Variants in C5 observed in about 807,000 individuals in gnomAD.
C5 encodes the protein C3 and PZP-like alpha-2-macroglobulin domain-containing protein 4.
A neutral mutation model predicts 218.8 loss-of-function variants in C5; 140 were observed. That is an observed-to-expected ratio of 0.64 (90% CI 0.56 to 0.74). The LOEUF is 0.74. Among genes scored for constraint, C5 ranks in the 30% least tolerant of loss-of-function variants. The pLI is 0.00. For missense variants in C5, 1,700 were observed against 1,969.6 expected (o/e 0.86, Z 2.59); for synonymous variants, 614 against 682.3 (o/e 0.90, Z 1.56).
chr9:121,035,508 G>C (rs2047516683), intron 4 of C5, among the ~76,000 whole-genome samples: 1 of 152,104 alleles, frequency 6.6e-6, no homozygotes, highest in Non-Finnish European at 1.5e-5. Context: ...ACACATGGGG[G>C]TCCAATTCAG....
chr9:121,033,353 T>G (rs1305782253), intron 5 of C5, among the ~76,000 whole-genome samples: 1 of 152,134 alleles, frequency 6.6e-6, no homozygotes, highest in African/African-American at 2.4e-5. Context: ...GATGCTGAGA[T>G]AGGGAGTAAA....
At chr9:120,959,857 T>G (rs2046813869) in intron 38 of C5, among the ~76,000 whole-genome samples, 1 of 152,224 alleles carries the variant, frequency 6.6e-6, no homozygotes, top group Non-Finnish European at 1.5e-5. Flanking sequence ...GAAGATATTT[T>G]TTTAAAAACC....
chr9:121,022,952 A>G (rs2047379399), intron 10 of C5, among the ~76,000 whole-genome samples: 2 of 152,148 alleles, frequency 1.3e-5, no homozygotes, highest in Non-Finnish European at 2.9e-5. Flanking sequence ...GCACAAAGAC[A>G]ACACAGAGAC....
At chr9:121,041,068 C>T (rs1478986128) in intron 3 of C5, among the ~76,000 whole-genome samples, 5 of 150,526 alleles carry the variant, frequency 3.3e-5, no homozygotes, top group South Asian at 2.1e-4. Flanking sequence ...CTCAGCCTCC[C>T]GAGTAGCTGG....
At chr9:121,029,525 A>G (rs2047455392) in intron 7 of C5, among the ~76,000 whole-genome samples, 1 of 152,242 alleles carries the variant, frequency 6.6e-6, no homozygotes, top group African/African-American at 2.4e-5. Flanking sequence ...TACCCCACAC[A>G]TATAGTTATA....
the C5 span, among the ~76,000 whole-genome samples, chr9:121,059,262 G>C: frequency 6.6e-6 from 1 of 152,146 alleles, no homozygotes; most frequent in Non-Finnish European, 1.5e-5. The surrounding 1 kb of genome is among the most constrained non-coding windows in gnomAD (Gnocchi z 4.1). Context: ...AAAATAATAA[G>C]GCTAAGAGAA....
intron 3 of C5, among the ~76,000 whole-genome samples, chr9:121,039,493 C>G (rs1054449431): frequency 6.6e-6 from 1 of 151,988 alleles, no homozygotes; most frequent in South Asian, 2.1e-4. Flanking sequence ...ACAAAATTAG[C>G]CAGGCATGGT....
intron 39 of C5, chr9:120,956,921 A>G (rs2046788934): frequency 1.8e-5 from 6 of 325,926 alleles, no homozygotes; most frequent in South Asian, 1.6e-4. Context: ...ATTGGGTACT[A>G]TGCTTATTAC....
chr9:121,038,698 C>A (rs1265510401), intron 3 of C5, among the ~76,000 whole-genome samples: 1 of 152,180 alleles, frequency 6.6e-6, no homozygotes, highest in African/African-American at 2.4e-5. Flanking sequence ...GTTGCTGATG[C>A]TCAAATCATT....
intron 39 of C5, 69 bp downstream of exon 39, chr9:120,957,216 A>C: frequency 9.5e-7 from 1 of 1,048,000 alleles, no homozygotes; most frequent in Non-Finnish European, 1.5e-6. Context: ...TGTTTAATAT[A>C]ATGCCTGGCA....
intron 26 of C5, 135 bp downstream of exon 26, chr9:120,982,520 A>G: frequency 1.4e-6 from 1 of 693,344 alleles, no homozygotes; most frequent in South Asian, 1.8e-5. Flanking sequence ...ACCTTTGTAT[A>G]TTTTGCTTGT....
In C5 at chr9:121,043,123, T is replaced by C; in HGVS notation, c.302A>G (p.Tyr101Cys). 6.2e-7 allele frequency: 1 copy of C among 1,613,394 alleles called. No homozygotes were observed. Among genetic ancestry groups the C allele is most frequent in the Non-Finnish European group, 8.5e-7 (1 of 1,179,568 alleles). The change falls in exon 3 of 41, where the codon TAT becomes TGT. Residue 101 changes from tyrosine to cysteine, a missense_variant. Transcript: ENST00000223642. ...CTTTGATACAACTTCCAAATACACA[T>C]AAGAAACTGGGTTTTGTCCTCCAGG... ...QLPGGQNPVSYVYLEVVSKHF... is the reference protein window; with the variant it reads ...QLPGGQNPVSCVYLEVVSKHF...
chr9:120,989,915 G>T (rs1398977533), intron 23 of C5, 135 bp from the exon 24 acceptor site: 2 of 693,580 alleles, frequency 2.9e-6, no homozygotes, highest in Non-Finnish European at 5.0e-6. Context: ...TCTCAGAAAC[G>T]GGGTGAGAAA....
intron 27 of C5, among the ~76,000 whole-genome samples, chr9:120,981,168 C>G (rs2046990172): frequency 6.6e-6 from 1 of 152,264 alleles, no homozygotes; most frequent in African/African-American, 2.4e-5. Flanking sequence ...CCCAGCTCCA[C>G]ATGCATCTCT....
At chr9:121,069,833 C>T in the C5 span, among the ~76,000 whole-genome samples, 2 of 152,196 alleles carry the variant, frequency 1.3e-5, no homozygotes, top group African/African-American at 4.8e-5. Context: ...GACTCATACA[C>T]TGTTGGTGGA....
intron 17 of C5, among the ~76,000 whole-genome samples, 172 bp downstream of exon 17, chr9:121,013,701 T>C (rs1182143335): frequency 6.6e-6 from 1 of 152,090 alleles, no homozygotes; most frequent in African/African-American, 2.4e-5. Context: ...CTCTGTACTG[T>C]ACCTCTTCGG....
chr9:120,981,798 T>C (rs41311907), intron 27 of C5, 46 bp downstream of exon 27: 1 of 1,310,750 alleles, frequency 7.6e-7, no homozygotes, highest in East Asian at 2.3e-5. Flanking sequence ...CAGTATATAG[T>C]ACAGAAATAG....
chr9:120,996,166 T>G, intron 22 of C5, 74 bp downstream of exon 22: 1 of 1,104,264 alleles, frequency 9.1e-7, no homozygotes. Context: ...TGAAAAATAG[T>G]GTTTTAAGTT....
At chr9:121,027,096 A>G (rs528315154) in intron 8 of C5, 64 bp downstream of exon 8, 1 of 878,796 alleles carries the variant, frequency 1.1e-6, no homozygotes, top group East Asian at 2.6e-5. Flanking sequence ...GTTTTTAAGT[A>G]ACTTCTCATC....
Sources: allele counts gnomAD v4.1 joint callset (sites outside exome capture counted in the v4.1 genomes callset), GRCh38; gene constraint gnomAD v4.1.1; non-coding constraint Gnocchi (gnomAD v3.1); transcripts MANE v1.5; gene names NCBI Gene and HGNC (gene_info 2026-07-23, HGNC 2026-07-21).